The following OBSL1 variants were observed in gnomAD, a reference collection of about 807,000 sequenced individuals.
OBSL1 encodes the protein obscurin-like protein 1.
Under a neutral mutation model 172.0 loss-of-function variants are expected in OBSL1, and 160 were observed. The observed-to-expected ratio is 0.93, with a 90% CI of 0.82 to 1.06. OBSL1 has a LOEUF of 1.06. Ranked by LOEUF, OBSL1 falls within the 50% of genes least tolerant of loss-of-function variation. The pLI is 0.00. For synonymous variants in OBSL1, 1,200 were observed against 1,196.3 expected, an observed-to-expected ratio of 1.00 and a Z score of -0.06; for missense variants, 2,681 against 2,715.4, an observed-to-expected ratio of 0.99 and a Z score of 0.28.
chr2:219,555,961 A>C, intron 14 of OBSL1, 59 bp downstream of exon 14: 2 of 1,581,120 alleles, frequency 1.3e-6, no homozygotes, highest in Non-Finnish European at 1.7e-6. Flanking sequence ...ACTCCAGGAC[A>C]GCCAGAAAAG....
rs1321473082 is a variant in OBSL1, at chr2:219,567,825, G to T, written c.1427C>A (p.Ser476Ter). 6.2e-7 allele frequency: 1 copy of T among 1,613,854 alleles called. No homozygotes were observed. Among genetic ancestry groups the T allele is most frequent in the Non-Finnish European group, 8.5e-7 (1 of 1,179,896 alleles). Residue 476 changes from serine (S) to a stop codon, truncating the protein, a stop_gained, in exon 3 of 21, where the codon TCA (serine) becomes TAA (stop). Transcript: ENST00000404537. LOFTEE classifies it high-confidence loss of function. Reference sequence around the variant, plus strand: ...AAGGACCAGGGCATGCATGTGGCCTGAGCTGCTCTGGCAGATGACCGGCAG... The same window carrying T: ...AAGGACCAGGGCATGCATGTGGCCTTAGCTGCTCTGGCAGATGACCGGCAG... ...EELPVICQSS[S>*]GHMHALVLPG... is the part of the protein sequence containing the mutation.
chr2:219,568,273 T>A lies in OBSL1; in HGVS notation c.1064A>T (p.His355Leu). 6.2e-7 allele frequency: 1 copy of A among 1,610,708 alleles called. No homozygotes were observed. The change falls in exon 2 of 21, where the codon CAC (histidine) becomes CTC (leucine). Residue 355 changes from histidine to leucine, a missense_variant. Coordinates refer to ENST00000404537, the MANE Select transcript of OBSL1 (RefSeq NM_015311.3). This position sits in a 1 kb window ranked among gnomAD's most constrained non-coding sequence, Gnocchi z 4.1. ...RPLQDVEGRE[H>L]GIAVLECKVP... is the part of the protein sequence containing the mutation. The stretch of plus-strand genomic sequence containing the variant: ...TTTACATTCCAGCACGGCAATCCCG[T>A]GCTCACGGCCCTCCACGTCCTGCAG...
Position 219,570,239 on chromosome 2 carries a change from C to G in OBSL1, c.994G>C (p.Val332Leu), listed in dbSNP as rs1241073694. The change falls in exon 1 of 21, where the codon GTG (valine) becomes CTG (leucine). Residue 332 changes from valine to leucine, a missense_variant. Val to Leu is a conservative substitution (Grantham distance 32). Transcript: ENST00000404537. The part of the protein sequence containing the change: ...RNSAGQTLSA[V>L]QLHVKEPRLR... ...GCCGTACCTTTCACGTGCAGCTGCA[C>G]GGCACTGAGCGTCTGGCCCGCCGAG... The G allele has an allele frequency of 1.3e-5, 20 of 1,572,426 alleles. No individual in the cohort carries two copies. The highest frequency in any genetic ancestry group is 1.7e-5 in the Non-Finnish European group (20 of 1,157,164).
intron 8 of OBSL1, among the ~76,000 whole-genome samples, chr2:219,560,668 A>G (rs1696395997): frequency 6.6e-6 from 1 of 152,136 alleles, no homozygotes; most frequent in Non-Finnish European, 1.5e-5. Context: ...GGTAACCACA[A>G]GCTCCCACTC....
rs1362209760 is a variant in OBSL1 at position 219,566,722 on chromosome 2, C to CTCTCCTGGCCCAGA, written c.2134+94_2134+107dup. The CTCTCCTGGCCCAGA allele has an allele frequency of 3.9e-6, 5 of 1,281,720 alleles. No homozygotes were observed. The Admixed American group carries it at 1.2e-4, about 30-fold the overall frequency. 79.4% of individuals were successfully genotyped at this position (1,281,720 alleles called of 1,614,324 possible). A position where few individuals can be genotyped will look rare whatever the true frequency, so the allele number is the denominator to read the frequency against. ...CTCAGCCCATCATGGATGCTCCTTG[C>CTCTCCTGGCCCAGA]TCTCCTGGCCCAGATACAAGAAATA... On this transcript the variant is annotated intron_variant, in intron 5 of 20. Transcript: ENST00000404537.
At position 219,556,610 on chromosome 2, in the gene OBSL1, G is replaced by A. The variant is rs774897790; in HGVS notation, c.4180C>T (p.Arg1394Cys). ...CCTGGAGTGACGACGGCCCCATTGC[G>A]CAGCCAGGTGACATCGGCATCTGGT... Reference protein sequence around the residue: ...SPPDADVTWLRNGAVVTPGPQ... With the variant: ...SPPDADVTWLCNGAVVTPGPQ... The change falls in exon 13 of 21, where the codon CGC (arginine) becomes TGC (cysteine). Residue 1394 changes from arginine to cysteine, a missense_variant. By Grantham distance (180) the Arg-to-Cys change is radical. Transcript: ENST00000404537. 6.8e-6 allele frequency: 11 copies of A among 1,613,972 alleles called. No individual in the cohort carries two copies. The East Asian group carries it at 8.9e-5, about 13-fold the overall frequency.
In OBSL1 at chr2:219,552,676, G is replaced by C; in HGVS notation, c.5168C>G (p.Ser1723Cys). 1 of 1,536,482 alleles carries C rather than the reference G, an allele frequency of 6.5e-7. No individual in the cohort carries two copies. The highest frequency in any genetic ancestry group is 1.2e-5 in the South Asian group (1 of 84,316). The change falls in exon 18 of 21, where the codon TCC becomes TGC. Residue 1723 changes from serine (S) to cysteine (C), a missense_variant. This residue lies in a region of OBSL1 where 1,765 missense variants were observed against 1,748.3 expected (regional missense o/e 1.01). Coordinates refer to ENST00000404537, the MANE Select transcript of OBSL1 (RefSeq NM_015311.3). ...TVRERTVAVL[S>C]ELRSVSAREG... ...GCGGGCGCTCACCGACCGCAGCTCG[G>C]AGAGTACCGCCACAGTACGCTCTGG... is the stretch of plus-strand genomic sequence containing the variant.
In OBSL1 at chr2:219,552,134, G is replaced by GGACT; in HGVS notation, c.5387_5390dup (p.Leu1798ValfsTer57). On this transcript the variant is annotated frameshift_variant, in exon 19 of 21. Transcript: ENST00000404537. LOFTEE classifies it high-confidence loss of function. Reference sequence around the variant, plus strand: ...TACCCTCCACTTCCAGTAGAGCCAGGGACTGGGCGGGCCCCGCCTGGAAGC... The same window carrying GGACT: ...TACCCTCCACTTCCAGTAGAGCCAGGGACTGACTGGGCGGGCCCCGCCTGGAAGC... 1 of 1,611,300 alleles carries GGACT rather than the reference G, an allele frequency of 6.2e-7. No homozygotes were observed. The highest frequency in any genetic ancestry group is 1.3e-5 in the African/African-American group (1 of 75,050).
intron 8 of OBSL1, 25 bp from the exon 9 acceptor site, chr2:219,559,522 C>T: frequency 6.3e-7 from 1 of 1,594,524 alleles, no homozygotes; most frequent in Non-Finnish European, 8.6e-7. Flanking sequence ...CAACCACAGC[C>T]TGTCACAAGC....
At chr2:219,559,156 G>C in intron 9 of OBSL1, 69 bp downstream of exon 9, 1 of 1,453,474 alleles carries the variant, frequency 6.9e-7, no homozygotes, top group South Asian at 1.3e-5. Flanking sequence ...GGGAGGTGGG[G>C]CTAGGTGGGT....
chr2:219,562,275 A>G (rs1696534999), intron 8 of OBSL1, 127 bp downstream of exon 8: 2 of 1,209,430 alleles, frequency 1.7e-6, no homozygotes, highest in Admixed American at 2.1e-5. Context: ...CTCAGCAAGA[A>G]CCCTGGCACA....
At chr2:219,555,506 C>T (rs1050933106) in intron 14 of OBSL1, 2 of 413,060 alleles carry the variant, frequency 4.8e-6, no homozygotes, top group Non-Finnish European at 6.5e-6. Flanking sequence ...CCTCGAACTC[C>T]TGGCCTCAAG....
intron 20 of OBSL1, chr2:219,551,210 G>C: frequency 1.4e-6 from 2 of 1,387,130 alleles, no homozygotes; most frequent in South Asian, 1.7e-5. Flanking sequence ...TGGTGAAGTG[G>C]GGAGGAAAGG....
chr2:219,550,832 C>G lies in OBSL1; in HGVS notation c.*3G>C. The G allele has an allele frequency of 6.2e-7, 1 of 1,611,684 alleles. No individual in the cohort carries two copies. The highest frequency in any genetic ancestry group is 1.3e-5 in the African/African-American group (1 of 74,986). On this transcript the variant is annotated 3_prime_UTR_variant, in exon 21 of 21. Coordinates refer to ENST00000404537, the MANE Select transcript of OBSL1 (RefSeq NM_015311.3). The stretch of plus-strand genomic sequence containing the variant: ...GGCACCCGCCTGGCCTGGTTAGGTT[C>G]TCCTAGTTGCCTGCAGAGGAATGAC...
Position 219,567,900 on chromosome 2 carries a change from T to A in OBSL1, c.1352A>T (p.Glu451Val). 1 of 1,613,864 alleles carries A rather than the reference T, an allele frequency of 6.2e-7. No homozygotes were observed. Among genetic ancestry groups the A allele is most frequent in the Non-Finnish European group, 8.5e-7 (1 of 1,179,884 alleles). Reference sequence around the variant, plus strand: ...TCCCTCGACCCCGGCCTCTAGAGTTTCCACTAGCAGCACAGCATTCTCTCC... The same window carrying A: ...TCCCTCGACCCCGGCCTCTAGAGTTACCACTAGCAGCACAGCATTCTCTCC... ...LEGENAVLLV[E>V]TLEAGVEGRW... The change falls in exon 3 of 21, where the codon GAA becomes GTA. Residue 451 changes from glutamate (E) to valine (V), a missense_variant. Glu to Val is a moderately radical substitution (Grantham distance 121, BLOSUM62 -2). This residue lies in a region of OBSL1 where 706 missense variants were observed against 695.8 expected (regional missense o/e 1.01). Transcript: ENST00000404537.
chr2:219,548,365 G>C (rs186188218), downstream of OBSL1, among the ~76,000 whole-genome samples: 334 of 152,360 alleles, frequency 2.2e-3, 2 homozygotes, highest in Middle Eastern at 0.024. Context: ...GCAGGAGACA[G>C]ATAACAGAGA....
In OBSL1 at chr2:219,553,011, A is replaced by C; in HGVS notation, c.5003T>G (p.Leu1668Arg). 2 of 1,515,692 alleles carry C rather than the reference A, an allele frequency of 1.3e-6. No individual in the cohort carries two copies. Among genetic ancestry groups the C allele is most frequent in the East Asian group, 5.2e-5 (2 of 38,802 alleles). 93.9% of individuals were successfully genotyped at this position (1,515,692 alleles called of 1,614,324 possible). Reference sequence around the variant, plus strand: ...GAGCCGGAGCCGCGGGCTAGGCGTAAGCGCGTTCCCGTCCTAGGGGCGGGA... The same window carrying C: ...GAGCCGGAGCCGCGGGCTAGGCGTACGCGCGTTCCCGTCCTAGGGGCGGGA... ...DVTWEKDGNA[L>R]TPSPRLRLQA... Residue 1668 changes from leucine to arginine, a missense_variant, in exon 17 of 21, where the codon CTT (leucine) becomes CGT (arginine). Leu to Arg is a moderately radical substitution (Grantham distance 102, BLOSUM62 -2). This residue lies in a region of OBSL1 where 1,765 missense variants were observed against 1,748.3 expected (regional missense o/e 1.01). Coordinates refer to ENST00000404537, the MANE Select transcript of OBSL1 (RefSeq NM_015311.3).
intron 9 of OBSL1, chr2:219,558,947 T>C: frequency 2.1e-6 from 1 of 478,218 alleles, no homozygotes; most frequent in Non-Finnish European, 3.7e-6. Flanking sequence ...GGTTCACTGC[T>C]GTATCCCCAG....
At position 219,557,419 on chromosome 2, in the gene OBSL1, C is replaced by A; in HGVS notation, c.3990G>T (p.Gly1330=). 1 of 1,549,134 alleles carries A rather than the reference C, an allele frequency of 6.5e-7. No individual in the cohort carries two copies. Among genetic ancestry groups the A allele is most frequent in the Non-Finnish European group, 8.7e-7 (1 of 1,147,032 alleles). ...AGARQVLRVQ[G]ARSGDAGEYL... is the part of the protein sequence containing the mutation. ...ACTCCCCAGCGTCCCCGCTCCGTGC[C>A]CCCTGCACCCGCAGCACCTGCCTGG... Residue 1330 remains glycine, a synonymous_variant, in exon 12 of 21, where the codon GGG becomes GGT. Transcript: ENST00000404537.
Sources: allele counts gnomAD v4.1 joint callset (sites outside exome capture counted in the v4.1 genomes callset), GRCh38; gene constraint gnomAD v4.1.1; regional missense constraint gnomAD v4.1.1; non-coding constraint Gnocchi (gnomAD v3.1); transcripts MANE v1.5; gene names NCBI Gene and HGNC (gene_info 2026-07-23, HGNC 2026-07-21).